Variants in PDE7A observed in about 807,000 individuals in gnomAD.
PDE7A encodes high affinity 3',5'-cyclic-AMP phosphodiesterase 7A.
In PDE7A, 39 loss-of-function variants were observed where a neutral mutation model predicts 64.3. The ratio of observed to expected loss-of-function variants is 0.61; its 90% CI spans 0.47 to 0.79. The LOEUF is 0.79. Ranked by LOEUF, PDE7A falls within the 30% of genes least tolerant of loss-of-function variation. The pLI is 0.00. For synonymous variants in PDE7A, 203 were observed against 206.8 expected (o/e 0.98, Z 0.16); for missense variants, 470 against 582.8 (o/e 0.81, Z 1.99).
intron 3 of PDE7A, among the ~76,000 whole-genome samples, chr8:65,768,318 G>T (rs1808901697): frequency 6.6e-6 from 1 of 152,114 alleles, no homozygotes; most frequent in East Asian, 1.9e-4. Context: ...ATCTCATCTT[G>T]AATTGTAACT....
In PDE7A at chr8:65,779,775, T is replaced by A; in HGVS notation, c.228A>T (p.Gly76=). ...LGDVRVRSRA[G]FESERRGSHP... Reference sequence around the variant, plus strand: ...GAGAACCTCTTCTTTCTGATTCAAATCCTGCTCGGCTCCTTACACGTACAT... The same window carrying A: ...GAGAACCTCTTCTTTCTGATTCAAAACCTGCTCGGCTCCTTACACGTACAT... The change falls in exon 3 of 13, where the codon GGA becomes GGT. Residue 76 remains glycine, a synonymous_variant. Coordinates refer to ENST00000401827, the MANE Select transcript of PDE7A (RefSeq NM_001242318.3). 6.2e-7 allele frequency: 1 copy of A among 1,601,914 alleles called. No individual in the cohort carries two copies. The highest frequency in any genetic ancestry group is 8.5e-7 in the Non-Finnish European group (1 of 1,172,012).
At chr8:65,744,766 T>C (rs1807596269) in intron 5 of PDE7A, among the ~76,000 whole-genome samples, 1 of 152,256 alleles carries the variant, frequency 6.6e-6, no homozygotes. Flanking sequence ...TTATTAATAA[T>C]AGCAGCGGCA....
intron 3 of PDE7A, among the ~76,000 whole-genome samples, chr8:65,769,857 T>C (rs1027916883): frequency 2.0e-5 from 3 of 151,960 alleles, no homozygotes; most frequent in South Asian, 2.1e-4. Flanking sequence ...GATTGTGCCA[T>C]TGCACTCCAG....
At chr8:65,792,221 A>G (rs981700574) in intron 1 of PDE7A, among the ~76,000 whole-genome samples, 1 of 152,228 alleles carries the variant, frequency 6.6e-6, no homozygotes, top group Non-Finnish European at 1.5e-5. Context: ...AGAAAAATTA[A>G]TGCATAGGAT....
intron 1 of PDE7A, among the ~76,000 whole-genome samples, chr8:65,804,055 CTA>C (rs1434305874): frequency 1.3e-5 from 2 of 152,144 alleles, no homozygotes; most frequent in South Asian, 2.1e-4. Context: ...TAAGAAAAAT[CTA>C]TATGACAAAG....
chr8:65,747,154 T>C (rs1023071591), intron 4 of PDE7A, among the ~76,000 whole-genome samples: 3 of 152,156 alleles, frequency 2.0e-5, no homozygotes, highest in Non-Finnish European at 4.4e-5. Flanking sequence ...CTCATTTGAC[T>C]GAAAGTCACG....
At position 65,719,285 on chromosome 8, in the gene PDE7A, G is replaced by C; in HGVS notation, c.*5C>G. Reference sequence around the variant, plus strand: ...GGAGGCAGTTTGTCCCACTGGTTCTGGGGGTTATGATAACCGATTTTCCTG... The same window carrying C: ...GGAGGCAGTTTGTCCCACTGGTTCTCGGGGTTATGATAACCGATTTTCCTG... On this transcript the variant is annotated 3_prime_UTR_variant, in exon 13 of 13. Coordinates refer to ENST00000401827, the MANE Select transcript of PDE7A (RefSeq NM_001242318.3). 6.2e-7 allele frequency: 1 copy of C among 1,606,178 alleles called. No individual in the cohort carries two copies. The highest frequency in any genetic ancestry group is 8.5e-7 in the Non-Finnish European group (1 of 1,172,732).
At chr8:65,763,434 G>A (rs1193388592) in intron 3 of PDE7A, among the ~76,000 whole-genome samples, 1 of 151,972 alleles carries the variant, frequency 6.6e-6, no homozygotes. Context: ...GCGTGGTGGC[G>A]CAGGTCTGTA....
At chr8:65,723,838 C>G (rs1429422800) in intron 11 of PDE7A, among the ~76,000 whole-genome samples, 3 of 152,078 alleles carry the variant, frequency 2.0e-5, no homozygotes, top group Non-Finnish European at 2.9e-5. Flanking sequence ...GGTGTTACCC[C>G]AAGACTGTAA....
intron 11 of PDE7A, 29 bp from the exon 12 acceptor site, chr8:65,723,650 T>C (rs1436079104): frequency 7.0e-7 from 1 of 1,425,302 alleles, no homozygotes; most frequent in East Asian, 2.6e-5. Context: ...GAAGTATTAA[T>C]ATGAAGAATA....
intron 3 of PDE7A, among the ~76,000 whole-genome samples, chr8:65,763,460 G>A (rs554860050): frequency 6.6e-6 from 1 of 152,228 alleles, no homozygotes; most frequent in African/African-American, 2.4e-5. Flanking sequence ...AGCTACTTAG[G>A]AGGCTGAGGC....
chr8:65,743,743 G>A (rs528689916), intron 5 of PDE7A, among the ~76,000 whole-genome samples: 1 of 152,152 alleles, frequency 6.6e-6, no homozygotes, highest in South Asian at 2.1e-4. Flanking sequence ...AAAAGCAGGT[G>A]ATTTCAAAGT....
intron 7 of PDE7A, among the ~76,000 whole-genome samples, 196 bp downstream of exon 7, chr8:65,734,598 T>C (rs1223355925): frequency 2.6e-5 from 4 of 152,100 alleles, no homozygotes; most frequent in South Asian, 2.1e-4. Flanking sequence ...AGCCTCTCTC[T>C]CAACAACCAC....
chr8:65,807,360 G>C (rs1358698374), intron 1 of PDE7A, among the ~76,000 whole-genome samples: 2 of 152,138 alleles, frequency 1.3e-5, no homozygotes, highest in East Asian at 3.8e-4. Context: ...AAATACAAGT[G>C]ATTTCTGTAT....
chr8:65,830,845 A>G (rs1810799844), intron 1 of PDE7A, among the ~76,000 whole-genome samples: 1 of 152,134 alleles, frequency 6.6e-6, no homozygotes, highest in Non-Finnish European at 1.5e-5. Flanking sequence ...CTTTTGTTGC[A>G]GAAAAATATA....
intron 1 of PDE7A, among the ~76,000 whole-genome samples, chr8:65,819,405 G>T (rs1041530353): frequency 1.3e-5 from 2 of 152,064 alleles, no homozygotes; most frequent in Admixed American, 1.3e-4. Flanking sequence ...TCAAAGAAAA[G>T]AAAACTTGTT....
chr8:65,830,966 T>C (rs1341812436), intron 1 of PDE7A, among the ~76,000 whole-genome samples: 2 of 152,116 alleles, frequency 1.3e-5, no homozygotes, highest in Non-Finnish European at 2.9e-5. Context: ...TAAAAAATTC[T>C]GTTAAAATTA....
At chr8:65,815,841 C>T (rs1470726899) in intron 1 of PDE7A, among the ~76,000 whole-genome samples, 4 of 152,152 alleles carry the variant, frequency 2.6e-5, no homozygotes. Flanking sequence ...AGAATTTTCA[C>T]CATTATATGA....
chr8:65,776,426 C>A (rs1204948478), intron 3 of PDE7A, among the ~76,000 whole-genome samples: 2 of 152,092 alleles, frequency 1.3e-5, no homozygotes, highest in Non-Finnish European at 2.9e-5. Context: ...ATTGTCTTGG[C>A]TATTCTTGGA....
Sources: gnomAD v4.1 joint callset for allele counts (sites outside exome capture counted in the v4.1 genomes callset) on GRCh38, gnomAD v4.1.1 for gene constraint, MANE v1.5 for transcripts, NCBI Gene and HGNC (gene_info 2026-07-23, HGNC 2026-07-21) for gene names.